GLYATL2: variants seen among roughly 807,000 people sequenced by gnomAD.
GLYATL2 encodes glycine-N-acyltransferase like 2.
Under a neutral mutation model 21.4 loss-of-function variants are expected in GLYATL2, and 25 were observed. The ratio of observed to expected loss-of-function variants is 1.17; its 90% CI spans 0.85 to 1.63. The LOEUF (loss-of-function observed/expected upper bound fraction) is 1.63. Ranked by LOEUF, GLYATL2 falls within the 40% of genes most tolerant of loss-of-function variation. The probability of loss-of-function intolerance (pLI) is 0.00; values close to 1 mark genes in which losing one functional copy is unlikely to be tolerated. For missense variants in GLYATL2, 361 were observed against 343.3 expected (o/e 1.05, Z -0.41); for synonymous variants, 114 against 118.2 (o/e 0.96, Z 0.23).
chr11:58,906,081 G>A (rs139127074), upstream of GLYATL2, among the ~76,000 whole-genome samples: 5 of 152,318 alleles, frequency 3.3e-5, no homozygotes, highest in African/African-American at 1.2e-4. Flanking sequence ...GCACTAGCAC[G>A]TGCACTGTCT....
At chr11:58,882,465 G>T (rs1854357054) in intron 1 of GLYATL2, among the ~76,000 whole-genome samples, 1 of 152,110 alleles carries the variant, frequency 6.6e-6, no homozygotes, top group African/African-American at 2.4e-5. Flanking sequence ...TGAGTTCAGT[G>T]TAGATTCTGG....
chr11:58,857,629 T>A (rs1565095238), intron 1 of GLYATL2, among the ~76,000 whole-genome samples: 2 of 152,238 alleles, frequency 1.3e-5, no homozygotes, highest in African/African-American at 4.8e-5. Context: ...TGTTGATGTC[T>A]TATTGCTGTT....
upstream of GLYATL2, among the ~76,000 whole-genome samples, chr11:58,846,047 T>C (rs1217798169): frequency 2.6e-5 from 4 of 152,218 alleles, no homozygotes; most frequent in African/African-American, 9.6e-5. Context: ...GATTATTTTG[T>C]TAAATACATA....
At chr11:58,877,697 T>A (rs1000465179) in intron 1 of GLYATL2, among the ~76,000 whole-genome samples, 1 of 152,178 alleles carries the variant, frequency 6.6e-6, no homozygotes, top group Non-Finnish European at 1.5e-5. Flanking sequence ...TTTAATAACA[T>A]AGAGATCACT....
At chr11:58,868,671 GC>G (rs1158320618) in intron 1 of GLYATL2, among the ~76,000 whole-genome samples, 3 of 148,972 alleles carry the variant, frequency 2.0e-5, no homozygotes, top group African/African-American at 7.3e-5. Flanking sequence ...GGCGGCCATG[GC>G]CCAGGAGTCT....
chr11:58,842,573 T>C (rs537588269), intron 1 of GLYATL2, among the ~76,000 whole-genome samples: 56 of 151,694 alleles, frequency 3.7e-4, no homozygotes, highest in African/African-American at 1.3e-3. Context: ...CCTTGTGCTC[T>C]GAGCTACCAG....
In GLYATL2 at chr11:58,893,471, T is replaced by A. The variant is rs187402473; in HGVS notation, n.60+10685A>T. 8 of 224,026 alleles carry A rather than the reference T, an allele frequency of 3.6e-5. No individual in the cohort carries two copies. In the East Asian group the frequency reaches 8.6e-4, roughly 24 times the overall value. The allele number at this position is 224,026 out of a possible 1,614,324, so 13.9% of individuals were successfully genotyped here. ...CTAGTTCCATTTTAGACAATGAAGGTGCTTTTCAATCTTGGGCAAGCCACC... is the reference window on the plus strand; with the variant it reads ...CTAGTTCCATTTTAGACAATGAAGGAGCTTTTCAATCTTGGGCAAGCCACC... On this transcript the variant is annotated intron_variant and non_coding_transcript_variant, in intron 1 of 4. Transcript: ENST00000533636.
At chr11:58,894,476 CAA>C (rs1554980634) in intron 1 of GLYATL2, among the ~76,000 whole-genome samples, 13 of 116,546 alleles carry the variant, frequency 1.1e-4, no homozygotes, top group African/African-American at 2.3e-4. Flanking sequence ...GCAGCTATAG[CAA>C]AAAAAAAAAA....
At chr11:58,862,828 CT>C (rs34882979) in intron 1 of GLYATL2, among the ~76,000 whole-genome samples, 134,459 of 151,540 alleles carry the variant, frequency 0.89, 60,772 homozygotes, top group Non-Finnish European at 0.98. Context: ...ATTGGTTATT[CT>C]TTTTTTTTTC....
chr11:58,885,972 T>C (rs1326860534), intron 1 of GLYATL2, among the ~76,000 whole-genome samples: 1 of 152,148 alleles, frequency 6.6e-6, no homozygotes, highest in African/African-American at 2.4e-5. Flanking sequence ...CCCAGCACTT[T>C]GGGAGGCCAA....
upstream of GLYATL2, chr11:58,908,004 TCTTTTCCTGTTC>T (rs1405146267): frequency 6.5e-6 from 1 of 153,082 alleles, no homozygotes; most frequent in East Asian, 1.9e-4. Context: ...TTCCGATAGT[TCTTTTCCTGTTC>T]CTTTTCAACA....
chr11:58,902,825 G>C (rs1379077018), intron 1 of GLYATL2, among the ~76,000 whole-genome samples: 4 of 152,154 alleles, frequency 2.6e-5, no homozygotes, highest in Non-Finnish European at 4.4e-5. Context: ...AGGGATGCTG[G>C]ACAACTTCCA....
intron 1 of GLYATL2, among the ~76,000 whole-genome samples, chr11:58,883,116 A>T (rs1443439338): frequency 2.0e-5 from 3 of 152,178 alleles, no homozygotes; most frequent in Non-Finnish European, 2.9e-5. Flanking sequence ...CTTTATGGGG[A>T]TGGCATTGAA....
At position 58,839,595 on chromosome 11, in the gene GLYATL2, G is replaced by A; in HGVS notation, c.18C>T (p.Asn6=). Residue 6 remains asparagine (N), a synonymous_variant, in exon 2 of 6, where the codon AAC becomes AAT. Transcript: ENST00000287275. The stretch of plus-strand genomic sequence containing the variant: ...TATACAGAATCTGCAGCTTCTGAGA[G>A]TTATGAAGCACAAGCATCTTATGTA... MLVLH[N]SQKLQILYKS... 1.2e-6 allele frequency: 2 copies of A among 1,610,666 alleles called. No homozygotes were observed. Among genetic ancestry groups the A allele is most frequent in the South Asian group, 2.2e-5 (2 of 90,728 alleles).
chr11:58,869,424 A>G (rs1273092487), intron 1 of GLYATL2, among the ~76,000 whole-genome samples: 3 of 152,146 alleles, frequency 2.0e-5, no homozygotes, highest in African/African-American at 7.2e-5. Flanking sequence ...GCCTTTAAAA[A>G]TCAAACTGCC....
At chr11:58,846,950 T>G (rs1199806712), upstream of GLYATL2, among the ~76,000 whole-genome samples, 4 of 151,702 alleles carry the variant, frequency 2.6e-5, no homozygotes, top group African/African-American at 9.7e-5. Flanking sequence ...GCTTGAGGAA[T>G]GAAAAAGAAA....
intron 5 of GLYATL2, among the ~76,000 whole-genome samples, chr11:58,835,756 A>G (rs372620111): frequency 6.6e-6 from 1 of 152,262 alleles, no homozygotes; most frequent in East Asian, 1.9e-4. Flanking sequence ...CCAAACCTAG[A>G]GTGGCAAGAT....
At chr11:58,906,621 C>T (rs1854893578), upstream of GLYATL2, among the ~76,000 whole-genome samples, 1 of 152,150 alleles carries the variant, frequency 6.6e-6, no homozygotes, top group African/African-American at 2.4e-5. Context: ...CTACATGTGC[C>T]TAGCAAGGTG....
At chr11:58,869,195 C>T (rs1247013586) in intron 1 of GLYATL2, among the ~76,000 whole-genome samples, 1 of 152,220 alleles carries the variant, frequency 6.6e-6, no homozygotes, top group Admixed American at 6.5e-5. Context: ...TGACTGTTCG[C>T]ATGTGTCTGA....
Sources: allele counts gnomAD v4.1 joint callset (sites outside exome capture counted in the v4.1 genomes callset), GRCh38; gene constraint gnomAD v4.1.1; transcripts MANE v1.5; gene names NCBI Gene and HGNC (gene_info 2026-07-23, HGNC 2026-07-21).